The following NTM variants were observed in gnomAD, a reference collection of about 807,000 sequenced individuals.
NTM encodes the protein neurotrimin.
In NTM, 13 loss-of-function variants were observed where a neutral mutation model predicts 42.1. The observed-to-expected ratio is 0.31, with a 90% CI of 0.20 to 0.49. The LOEUF (loss-of-function observed/expected upper bound fraction) is 0.49, where lower values mean the gene tolerates loss of function less well. NTM is among the 20% of genes least tolerant of loss of function. The pLI, the probability that NTM is intolerant of heterozygous loss-of-function variation, is 0.99. For synonymous variants in NTM, 187 were observed against 179.2 expected, an observed-to-expected ratio of 1.04 and a Z score of -0.35; for missense variants, 373 against 452.8, an observed-to-expected ratio of 0.82 and a Z score of 1.60.
At chr11:131,637,178 C>A (rs1406750285) in intron 1 of NTM, among the ~76,000 whole-genome samples, 2 of 152,164 alleles carry the variant, frequency 1.3e-5, no homozygotes, top group African/African-American at 4.8e-5. Flanking sequence ...AAAAATAAGT[C>A]CAGTGAAGTC....
At chr11:131,536,248 A>G (rs1256269289) in intron 1 of NTM, 1 of 152,238 alleles carries the variant, frequency 6.6e-6, no homozygotes, top group Non-Finnish European at 1.5e-5. Context: ...CAAGCCTGCT[A>G]TGTGAATGCT....
intron 1 of NTM, among the ~76,000 whole-genome samples, chr11:131,753,283 A>G (rs1354807032): frequency 1.3e-5 from 2 of 152,112 alleles, no homozygotes; most frequent in Non-Finnish European, 2.9e-5. Flanking sequence ...ACACTTTTAC[A>G]CTGTTGGTGG....
chr11:131,462,984 G>C (rs996600294), intron 1 of NTM, among the ~76,000 whole-genome samples: 1 of 151,896 alleles, frequency 6.6e-6, no homozygotes, highest in Non-Finnish European at 1.5e-5. Context: ...GGTAAGAATA[G>C]GTTATTTGGA....
chr11:132,186,959 A>G (rs2078504877), intron 3 of NTM, among the ~76,000 whole-genome samples: 2 of 152,278 alleles, frequency 1.3e-5, no homozygotes, highest in East Asian at 3.9e-4. Flanking sequence ...TGTGGCAGCC[A>G]TAGCTCTATG....
chr11:131,712,596 A>G (rs2077288083), intron 1 of NTM, among the ~76,000 whole-genome samples: 1 of 151,796 alleles, frequency 6.6e-6, no homozygotes, highest in Admixed American at 6.6e-5. Flanking sequence ...GATACATTTT[A>G]CTCATAGAGA....
Position 131,370,694 on chromosome 11 carries a change from A to G in NTM, c.-113A>G. On this transcript the variant is annotated 5_prime_UTR_variant, in exon 1 of 9. Transcript: ENST00000683400. ...TTCTTGTTGTGTCCTTCAGCAAAACAGTGGATTTAAATCTCCTTGCACAAG... is the reference window on the plus strand; with the variant it reads ...TTCTTGTTGTGTCCTTCAGCAAAACGGTGGATTTAAATCTCCTTGCACAAG... The G allele has an allele frequency of 2.3e-6, 2 of 866,548 alleles. No individual in the cohort carries two copies. The highest frequency in any genetic ancestry group is 3.4e-5 in the South Asian group (2 of 58,968). The allele number at this position is 866,548 out of a possible 1,614,324, so 53.7% of individuals were successfully genotyped here. A position where few individuals can be genotyped will look rare whatever the true frequency, so the allele number is the denominator to read the frequency against.
At chr11:132,099,786 G>A (rs1475789609) in intron 2 of NTM, among the ~76,000 whole-genome samples, 2 of 152,182 alleles carry the variant, frequency 1.3e-5, no homozygotes, top group African/African-American at 4.8e-5. Flanking sequence ...TGAGGAGAAG[G>A]TCAGGTGCTT....
chr11:131,571,757 A>T (rs1480657833), intron 1 of NTM, among the ~76,000 whole-genome samples: 2 of 152,250 alleles, frequency 1.3e-5, no homozygotes, highest in Non-Finnish European at 2.9e-5. Flanking sequence ...CCCACAGCAC[A>T]GAAGGCTGCA....
At chr11:132,057,667 T>A (rs2079915632) in intron 2 of NTM, among the ~76,000 whole-genome samples, 2 of 152,208 alleles carry the variant, frequency 1.3e-5, no homozygotes. Flanking sequence ...GAGGGGACAC[T>A]GCAGATGCTT....
At chr11:132,283,741 C>T (rs1056392491) in intron 4 of NTM, among the ~76,000 whole-genome samples, 1 of 152,094 alleles carries the variant, frequency 6.6e-6, no homozygotes, top group Non-Finnish European at 1.5e-5. Flanking sequence ...ATGCTTTTAG[C>T]GAAGAGGGAT....
intron 1 of NTM, among the ~76,000 whole-genome samples, chr11:131,556,731 C>T (rs909236172): frequency 6.6e-6 from 1 of 152,058 alleles, no homozygotes; most frequent in Non-Finnish European, 1.5e-5. Context: ...CCACACCCAG[C>T]TAATTTTTGT....
intron 1 of NTM, among the ~76,000 whole-genome samples, chr11:131,425,483 G>C (rs1230422992): frequency 1.3e-5 from 2 of 152,174 alleles, no homozygotes; most frequent in African/African-American, 4.8e-5. Context: ...AGAACTCTGA[G>C]AGAGGAAAAA....
Position 131,404,677 on chromosome 11 carries a change from G to T in NTM, c.82+33789G>T, listed in dbSNP as rs114815967. Among the ~76,000 whole-genome samples, 384 of 152,188 alleles carry T rather than the reference G, an allele frequency of 2.5e-3. 4 individuals carry two copies. Among genetic ancestry groups the T allele is most frequent in the African/African-American group, 9.0e-3 (375 of 41,542 alleles). ...CCATATTTTCATGTCTCTGAAATTG[G>T]GACACATCCTTCAATTGATAGCATC... is the stretch of plus-strand genomic sequence containing the variant. On this transcript the variant is annotated intron_variant, in intron 1 of 8. Coordinates refer to ENST00000683400, the MANE Select transcript of NTM (RefSeq NM_001352005.2).
chr11:131,560,007 G>A (rs541097695), intron 1 of NTM, among the ~76,000 whole-genome samples: 10 of 152,294 alleles, frequency 6.6e-5, no homozygotes, highest in East Asian at 1.9e-4. Context: ...ACTCAAATTC[G>A]ACTGTTTTGA....
At chr11:132,230,126 A>G (rs973930519) in intron 4 of NTM, among the ~76,000 whole-genome samples, 1 of 152,230 alleles carries the variant, frequency 6.6e-6, no homozygotes, top group Non-Finnish European at 1.5e-5. Flanking sequence ...ACAGCTTTTA[A>G]GAGAGAGGAA....
chr11:131,929,489 C>G (rs1415911261), intron 2 of NTM, among the ~76,000 whole-genome samples: 4 of 147,778 alleles, frequency 2.7e-5, no homozygotes, highest in Non-Finnish European at 1.5e-5. Context: ...TAACTTATTG[C>G]CCTTATAAAA....
At chr11:131,611,438 G>C (rs911128681) in intron 1 of NTM, among the ~76,000 whole-genome samples, 2 of 152,238 alleles carry the variant, frequency 1.3e-5, no homozygotes, top group African/African-American at 4.8e-5. Context: ...ACATGAATGT[G>C]GTAATTACAG....
At chr11:131,951,004 T>G (rs983477340) in intron 2 of NTM, among the ~76,000 whole-genome samples, 1 of 145,946 alleles carries the variant, frequency 6.9e-6, no homozygotes, top group Non-Finnish European at 1.5e-5. Context: ...TTGGTAATTG[T>G]TTTTTTTTAA....
At chr11:132,271,318 T>C (rs1315916968) in intron 4 of NTM, among the ~76,000 whole-genome samples, 5 of 152,218 alleles carry the variant, frequency 3.3e-5, no homozygotes, top group African/African-American at 1.2e-4. Flanking sequence ...TTTGGGTTGC[T>C]TCCACCTTGG....
Sources: gnomAD v4.1 joint callset for allele counts (sites outside exome capture counted in the v4.1 genomes callset) on GRCh38, gnomAD v4.1.1 for gene constraint, MANE v1.5 for transcripts, NCBI Gene and HGNC (gene_info 2026-07-23, HGNC 2026-07-21) for gene names.